SYT1: variants seen among roughly 807,000 people sequenced by gnomAD.
The protein encoded by SYT1 is synaptotagmin 1, also known as synaptotagmin-1.
Under a neutral mutation model 44.8 loss-of-function variants are expected in SYT1, and 8 were observed. The ratio of observed to expected loss-of-function variants is 0.18; its 90% CI spans 0.10 to 0.32. The LOEUF is 0.32. Ranked by LOEUF, SYT1 falls within the 10% of genes least tolerant of loss-of-function variation. The pLI is 1.00. For missense variants in SYT1, 286 were observed against 509.3 expected (o/e 0.56, Z 4.22); for synonymous variants, 154 against 188.8 (o/e 0.82, Z 1.51).
At chr12:78,913,240 T>C (rs1261020525) in intron 1 of SYT1, among the ~76,000 whole-genome samples, 4 of 150,668 alleles carry the variant, frequency 2.7e-5, no homozygotes, top group African/African-American at 4.9e-5. Context: ...ATATTCATTT[T>C]GCATCAATCT....
chr12:78,897,910 T>G (rs1875451545), intron 1 of SYT1, among the ~76,000 whole-genome samples: 1 of 151,956 alleles, frequency 6.6e-6, no homozygotes, highest in South Asian at 2.1e-4. Flanking sequence ...AGTTAGGACA[T>G]GAACCAAATA....
chr12:79,308,747 T>A (rs1464252082), intron 8 of SYT1, among the ~76,000 whole-genome samples: 1 of 152,218 alleles, frequency 6.6e-6, no homozygotes, highest in African/African-American at 2.4e-5. Context: ...GTGACCACTG[T>A]GGCTACAATA....
intron 2 of SYT1, among the ~76,000 whole-genome samples, chr12:79,019,835 T>C (rs1219356600): frequency 6.6e-6 from 1 of 152,010 alleles, no homozygotes; most frequent in Non-Finnish European, 1.5e-5. Context: ...GCTTTCATTT[T>C]CATAACCCAT....
intron 2 of SYT1, among the ~76,000 whole-genome samples, chr12:79,034,753 G>T (rs574042881): frequency 6.6e-6 from 1 of 151,616 alleles, no homozygotes; most frequent in Non-Finnish European, 1.5e-5. Flanking sequence ...TGAATATAAA[G>T]GTCCAGGATA....
chr12:78,990,786 A>T (rs1191497258), intron 2 of SYT1, among the ~76,000 whole-genome samples: 1 of 152,200 alleles, frequency 6.6e-6, no homozygotes, highest in Non-Finnish European at 1.5e-5. Context: ...AGTAACAGCC[A>T]CATGTGCCGG....
chr12:79,214,919 G>A (rs1031460018), intron 3 of SYT1, among the ~76,000 whole-genome samples: 5 of 147,468 alleles, frequency 3.4e-5, no homozygotes, highest in Non-Finnish European at 7.4e-5. Flanking sequence ...TTTTGAATAC[G>A]TGCCTGTAAT....
At chr12:79,101,177 C>G (rs1878425342) in intron 3 of SYT1, among the ~76,000 whole-genome samples, 1 of 152,242 alleles carries the variant, frequency 6.6e-6, no homozygotes, top group Admixed American at 6.5e-5. Flanking sequence ...TACCACTATT[C>G]ACAAGCATCA....
At chr12:79,234,440 AG>A (rs1290255230) in intron 4 of SYT1, among the ~76,000 whole-genome samples, 9 of 152,352 alleles carry the variant, frequency 5.9e-5, no homozygotes, top group Admixed American at 2.6e-4. Context: ...AGTTATGGGC[AG>A]TTATTAATCT....
intron 3 of SYT1, among the ~76,000 whole-genome samples, chr12:79,086,248 C>T (rs1191860875): frequency 6.6e-6 from 1 of 151,952 alleles, no homozygotes; most frequent in African/African-American, 2.4e-5. Flanking sequence ...TTGTCTGGCA[C>T]AAGGGAGCTG....
rs543313032 is a variant in SYT1, at chr12:79,145,745, T to TG, written c.-17-71758_-17-71757insG. On this transcript the variant is annotated intron_variant, in intron 3 of 10. Transcript: ENST00000261205. The stretch of plus-strand genomic sequence containing the variant: ...AAGATTTAAACATAGTGGTTTTTTT[T>TG]TTTTTTTGTTTGTTTGTTTGTTTGT... Among the ~76,000 whole-genome samples the TG allele has an allele frequency of 2.8e-3, 369 of 130,502 alleles. 3 individuals are homozygous for TG. The highest frequency in any genetic ancestry group is 9.6e-3 in the African/African-American group (320 of 33,204). 85.6% of individuals were successfully genotyped at this position (130,502 alleles called of 152,430 possible).
At chr12:79,167,412 G>A (rs1305314089) in intron 3 of SYT1, among the ~76,000 whole-genome samples, 1 of 152,028 alleles carries the variant, frequency 6.6e-6, no homozygotes, top group African/African-American at 2.4e-5. Flanking sequence ...GGGAGAATGT[G>A]TGTGTTTGTG....
At chr12:78,985,648 A>C (rs1235366399) in intron 2 of SYT1, among the ~76,000 whole-genome samples, 3 of 151,750 alleles carry the variant, frequency 2.0e-5, no homozygotes, top group Admixed American at 1.3e-4. Context: ...TAGGACTGTT[A>C]ATTCTAAAAA....
At chr12:79,187,396 C>T (rs1872864777) in intron 3 of SYT1, among the ~76,000 whole-genome samples, 1 of 152,068 alleles carries the variant, frequency 6.6e-6, no homozygotes, top group African/African-American at 2.4e-5. Flanking sequence ...CCTAGCACCT[C>T]CACTTTCTTT....
chr12:78,962,301 G>C (rs2086197578), intron 1 of SYT1, among the ~76,000 whole-genome samples: 1 of 150,470 alleles, frequency 6.6e-6, no homozygotes, highest in Non-Finnish European at 1.5e-5. Context: ...ACCACTGCTT[G>C]GTACGCAGTA....
chr12:79,009,383 G>A (rs1871284159), intron 2 of SYT1, among the ~76,000 whole-genome samples: 1 of 152,072 alleles, frequency 6.6e-6, no homozygotes, highest in Non-Finnish European at 1.5e-5. Context: ...AAAGCAGTAG[G>A]CAAACCTACT....
chr12:79,079,669 C>A (rs551320478), intron 3 of SYT1, among the ~76,000 whole-genome samples: 126 of 151,980 alleles, frequency 8.3e-4, no homozygotes, highest in Middle Eastern at 6.8e-3. Context: ...AACCACAGAA[C>A]CTTTGAAACA....
chr12:79,003,261 G>A (rs1456732458), intron 2 of SYT1, among the ~76,000 whole-genome samples: 1 of 151,744 alleles, frequency 6.6e-6, no homozygotes, highest in Non-Finnish European at 1.5e-5. Flanking sequence ...ACATCTCCTA[G>A]ACCTAGTCCC....
At chr12:78,993,062 A>C (rs1870128206) in intron 2 of SYT1, among the ~76,000 whole-genome samples, 1 of 152,154 alleles carries the variant, frequency 6.6e-6, no homozygotes, top group Non-Finnish European at 1.5e-5. Context: ...TGCTAATAAA[A>C]TCCCTGTGCA....
At chr12:78,935,175 GT>G (rs1877984080) in intron 1 of SYT1, among the ~76,000 whole-genome samples, 1 of 152,158 alleles carries the variant, frequency 6.6e-6, no homozygotes, top group East Asian at 1.9e-4. Context: ...AAGCAAGTAG[GT>G]GTCTGGAGAT....
Sources: allele counts gnomAD v4.1 joint callset (sites outside exome capture counted in the v4.1 genomes callset), GRCh38; gene constraint gnomAD v4.1.1; transcripts MANE v1.5; gene names NCBI Gene and HGNC (gene_info 2026-07-23, HGNC 2026-07-21).